Variants in SPIDR observed in about 807,000 individuals in gnomAD.
SPIDR encodes DNA repair-scaffolding protein.
SPIDR carries 93 observed loss-of-function variants against 104.6 expected under a neutral mutation model. The observed-to-expected ratio is 0.89, with a 90% CI of 0.75 to 1.06. SPIDR has a LOEUF of 1.06. Ranked by LOEUF, SPIDR falls within the 50% of genes least tolerant of loss-of-function variation. SPIDR has a pLI of 0.00. For synonymous variants in SPIDR, 431 were observed against 416.9 expected (o/e 1.03, Z -0.41); for missense variants, 1,154 against 1,111.2 (o/e 1.04, Z -0.55).
At chr8:47,546,499 T>G (rs2089412487) in intron 8 of SPIDR, among the ~76,000 whole-genome samples, 1 of 152,140 alleles carries the variant, frequency 6.6e-6, no homozygotes, top group Admixed American at 6.5e-5. Context: ...TCTCTGTTTC[T>G]TTGTCAGTCT....
At chr8:47,413,823 A>AT (rs1344766795) in intron 7 of SPIDR, among the ~76,000 whole-genome samples, 1 of 152,114 alleles carries the variant, frequency 6.6e-6, no homozygotes, top group Non-Finnish European at 1.5e-5. Context: ...TATTTTCCAG[A>AT]TAAAAAAAAC....
intron 14 of SPIDR, among the ~76,000 whole-genome samples, chr8:47,709,468 G>GT (rs1399106291): frequency 6.6e-6 from 1 of 152,052 alleles, no homozygotes; most frequent in Non-Finnish European, 1.5e-5. Context: ...TAGAGATGGG[G>GT]TTTTACCATG....
chr8:47,463,245 C>T (rs528793537), intron 8 of SPIDR, among the ~76,000 whole-genome samples: 3 of 151,716 alleles, frequency 2.0e-5, no homozygotes, highest in Admixed American at 2.0e-4. Flanking sequence ...CCCGTAGTTT[C>T]AGCTACTCGG....
At chr8:47,408,179 A>G (rs2063012507) in intron 7 of SPIDR, among the ~76,000 whole-genome samples, 1 of 152,168 alleles carries the variant, frequency 6.6e-6, no homozygotes, top group Admixed American at 6.5e-5. Flanking sequence ...CATCACCACA[A>G]TCTGTGCTAT....
At chr8:47,715,867 G>A (rs1228307311) in intron 16 of SPIDR, among the ~76,000 whole-genome samples, 1 of 152,060 alleles carries the variant, frequency 6.6e-6, no homozygotes, top group Non-Finnish European at 1.5e-5. Flanking sequence ...GACTGGAATT[G>A]CTAAGTCATA....
At position 47,355,256 on chromosome 8, in the gene SPIDR, G is replaced by A. The variant is rs571037956; in HGVS notation, c.526-41120G>A. 2.6e-3 allele frequency among the ~76,000 whole-genome samples: 364 copies of A among 138,050 alleles called. 1 individual carries two copies. The highest frequency in any genetic ancestry group is 0.011 in the African/African-American group (353 of 33,324). 90.6% of individuals were successfully genotyped at this position (138,050 alleles called of 152,430 possible). Reference sequence around the variant, plus strand: ...CAGGCGTGAGCCACCATGCCTGGCCGATGAAGGTTTTTTGTAAAAAAAAAA... The same window carrying A: ...CAGGCGTGAGCCACCATGCCTGGCCAATGAAGGTTTTTTGTAAAAAAAAAA... On this transcript the variant is annotated intron_variant, in intron 5 of 19. Coordinates refer to ENST00000297423, the MANE Select transcript of SPIDR (RefSeq NM_001080394.4).
chr8:47,393,177 A>C (rs1219291907), intron 5 of SPIDR, among the ~76,000 whole-genome samples: 2 of 152,222 alleles, frequency 1.3e-5, no homozygotes, highest in African/African-American at 4.8e-5. Context: ...ATAGGCACAC[A>C]ACATTCACAC....
At chr8:47,688,016 A>T (rs368649098) in intron 11 of SPIDR, among the ~76,000 whole-genome samples, 36 of 145,728 alleles carry the variant, frequency 2.5e-4, no homozygotes, top group East Asian at 1.2e-3. Context: ...AAAAAAAAAA[A>T]GTGTGTGTGT....
chr8:47,300,364 A>G (rs1554576430), intron 5 of SPIDR, among the ~76,000 whole-genome samples: 1 of 152,064 alleles, frequency 6.6e-6, no homozygotes, highest in East Asian at 1.9e-4. Context: ...TAGTCTTGCT[A>G]GCAGTCTATC....
chr8:47,386,562 T>A (rs2059929129), intron 5 of SPIDR, among the ~76,000 whole-genome samples: 1 of 152,270 alleles, frequency 6.6e-6, no homozygotes, highest in South Asian at 2.1e-4. Context: ...TTCCTACCTC[T>A]GTTACTGGAT....
intron 10 of SPIDR, among the ~76,000 whole-genome samples, chr8:47,634,710 A>G (rs2067614455): frequency 6.6e-6 from 1 of 152,132 alleles, no homozygotes. Flanking sequence ...GCTGAGTGGG[A>G]GGGCGAGCTG....
intron 5 of SPIDR, among the ~76,000 whole-genome samples, chr8:47,313,932 G>C (rs1196063137): frequency 2.0e-5 from 3 of 152,206 alleles, no homozygotes; most frequent in African/African-American, 7.2e-5. Context: ...TACAAGAAAT[G>C]TTTAAGGAGA....
chr8:47,309,237 A>C (rs2043678101), intron 5 of SPIDR, among the ~76,000 whole-genome samples: 1 of 152,238 alleles, frequency 6.6e-6, no homozygotes, highest in Non-Finnish European at 1.5e-5. Context: ...TATATTTTAA[A>C]GATTTAATTA....
intron 8 of SPIDR, among the ~76,000 whole-genome samples, chr8:47,472,098 G>T (rs1360648808): frequency 6.6e-6 from 1 of 152,188 alleles, no homozygotes; most frequent in Non-Finnish European, 1.5e-5. Context: ...AACCCTCAGA[G>T]TTTTTCTGTA....
chr8:47,329,477 T>A (rs2048299791), intron 5 of SPIDR, among the ~76,000 whole-genome samples: 1 of 152,136 alleles, frequency 6.6e-6, no homozygotes, highest in African/African-American at 2.4e-5. Context: ...CAACGTGTTG[T>A]ATTACAGGTG....
chr8:47,595,690 TG>T, intron 8 of SPIDR, 120 bp from the exon 9 acceptor site: 1 of 828,812 alleles, frequency 1.2e-6, no homozygotes, highest in Non-Finnish European at 1.9e-6. Context: ...CCTCTGTGGG[TG>T]GGCTTGGCTT....
rs888547242 is a variant in SPIDR at position 47,381,805 on chromosome 8, T to C, written c.526-14571T>C. Among the ~76,000 whole-genome samples the C allele has an allele frequency of 4.6e-5, 7 of 152,256 alleles. 1 individual carries two copies. Among genetic ancestry groups the C allele is most frequent in the African/African-American group, 1.4e-4 (6 of 41,474 alleles). On this transcript the variant is annotated intron_variant, in intron 5 of 19. Transcript: ENST00000297423. ...CCGCCCCGTGGCACGCCTTTGCATG[T>C]TGGCCAAGACCAAAGACTTGAGACT...
At chr8:47,613,392 T>A (rs1032139852) in intron 10 of SPIDR, among the ~76,000 whole-genome samples, 7 of 152,254 alleles carry the variant, frequency 4.6e-5, no homozygotes, top group African/African-American at 1.7e-4. Context: ...TATGCATTTA[T>A]CAGTTTATGG....
At chr8:47,465,462 G>A (rs1257567160) in intron 8 of SPIDR, among the ~76,000 whole-genome samples, 7 of 152,180 alleles carry the variant, frequency 4.6e-5, no homozygotes, top group East Asian at 1.9e-4. Flanking sequence ...GGCTGGGCAC[G>A]TGGCTCAAGC....
Sources: gnomAD v4.1 joint callset for allele counts (sites outside exome capture counted in the v4.1 genomes callset) on GRCh38, gnomAD v4.1.1 for gene constraint, MANE v1.5 for transcripts, NCBI Gene and HGNC (gene_info 2026-07-23, HGNC 2026-07-21) for gene names.